SPAG16: variants seen among roughly 807,000 people sequenced by gnomAD.
SPAG16 encodes sperm associated antigen 16.
SPAG16 carries 86 observed loss-of-function variants against 80.4 expected under a neutral mutation model. That is an observed-to-expected ratio of 1.07 (90% CI 0.90 to 1.28). The LOEUF is 1.28. SPAG16 is among the 50% of genes most tolerant of loss of function. The pLI, the probability that SPAG16 is intolerant of heterozygous loss-of-function variation, is 0.00. For missense variants in SPAG16, 870 were observed against 765.3 expected, an observed-to-expected ratio of 1.14 and a Z score of -1.61; for synonymous variants, 294 against 265.9, an observed-to-expected ratio of 1.11 and a Z score of -1.03.
At chr2:213,653,852 C>T (rs1359308643) in intron 10 of SPAG16, among the ~76,000 whole-genome samples, 2 of 152,084 alleles carry the variant, frequency 1.3e-5, no homozygotes, top group East Asian at 1.9e-4. Flanking sequence ...ATAAAACATA[C>T]AGTTCACATA....
chr2:213,307,668 CA>C (rs1229206440), intron 3 of SPAG16, among the ~76,000 whole-genome samples: 2 of 151,940 alleles, frequency 1.3e-5, no homozygotes, highest in African/African-American at 4.8e-5. Flanking sequence ...ATAAACATAG[CA>C]GCATGATTTA....
chr2:213,854,018 C>T (rs1462700179), intron 10 of SPAG16, among the ~76,000 whole-genome samples: 1 of 152,178 alleles, frequency 6.6e-6, no homozygotes, highest in African/African-American at 2.4e-5. Context: ...TGTGTACATA[C>T]TCTCCACTAC....
At chr2:213,419,891 T>C (rs1475082105) in intron 9 of SPAG16, among the ~76,000 whole-genome samples, 1 of 152,236 alleles carries the variant, frequency 6.6e-6, no homozygotes, top group Non-Finnish European at 1.5e-5. Flanking sequence ...AGTGGGACTT[T>C]CACATGCAAA....
In SPAG16 at chr2:214,221,280, G is replaced by GT. The variant is rs553077893; in HGVS notation, c.1720+72022dup. ...TCAGAGCCAATTACTTTTAAATGTAGTTTTTTTTGAATGATGTTTTCTTTG... is the reference window on the plus strand; with the variant it reads ...TCAGAGCCAATTACTTTTAAATGTAGTTTTTTTTTGAATGATGTTTTCTTTG... On this transcript the variant is annotated intron_variant, in intron 15 of 15. Transcript: ENST00000331683. Among the ~76,000 whole-genome samples, 842 of 151,902 alleles carry GT rather than the reference G, an allele frequency of 5.5e-3. 8 individuals carry two copies. The highest frequency in any genetic ancestry group is 0.019 in the African/African-American group (773 of 41,460).
intron 10 of SPAG16, among the ~76,000 whole-genome samples, chr2:213,787,288 T>C (rs935036230): frequency 1.3e-5 from 2 of 152,016 alleles, no homozygotes; most frequent in Non-Finnish European, 2.9e-5. Context: ...GAAGTAGAAG[T>C]TGATGAGTGA....
chr2:213,303,011 T>G (rs982258715), intron 3 of SPAG16, among the ~76,000 whole-genome samples: 3 of 152,106 alleles, frequency 2.0e-5, no homozygotes, highest in Admixed American at 1.3e-4. Flanking sequence ...ATTTTCAAAT[T>G]TATTGACCAA....
intron 14 of SPAG16, among the ~76,000 whole-genome samples, chr2:214,130,927 A>C (rs1294935659): frequency 2.6e-5 from 4 of 151,750 alleles, no homozygotes; most frequent in Non-Finnish European, 5.9e-5. Flanking sequence ...GAGTAGAAAG[A>C]CTCTCTGTGA....
intron 10 of SPAG16, among the ~76,000 whole-genome samples, chr2:213,589,875 T>C (rs2060620852): frequency 1.3e-5 from 2 of 149,346 alleles, no homozygotes. Context: ...TGAGCCGAGA[T>C]CGCGCCATTG....
chr2:213,909,136 A>ATTTATTCTCTCTTTG (rs2077550965), intron 11 of SPAG16, among the ~76,000 whole-genome samples: 1 of 152,198 alleles, frequency 6.6e-6, no homozygotes, highest in Admixed American at 6.5e-5. Flanking sequence ...AATTGCTTCA[A>ATTTATTCTCTCTTTG]AGAGAATAAA....
At chr2:213,848,861 C>T (rs544863702) in intron 10 of SPAG16, among the ~76,000 whole-genome samples, 5 of 152,136 alleles carry the variant, frequency 3.3e-5, no homozygotes, top group African/African-American at 1.2e-4. Flanking sequence ...CTGCTTGTGG[C>T]CTATGACGCA....
intron 4 of SPAG16, among the ~76,000 whole-genome samples, chr2:213,316,454 C>G (rs1334861918): frequency 6.6e-6 from 1 of 152,050 alleles, no homozygotes; most frequent in African/African-American, 2.4e-5. Context: ...CTAGACTAAT[C>G]CCTTTAAAAC....
chr2:213,502,598 G>T (rs1462016748), intron 10 of SPAG16, among the ~76,000 whole-genome samples: 1 of 152,204 alleles, frequency 6.6e-6, no homozygotes, highest in Non-Finnish European at 1.5e-5. Context: ...TCAGCAAACA[G>T]TTATGCTTAA....
At chr2:214,086,250 T>C (rs2051741827) in intron 13 of SPAG16, among the ~76,000 whole-genome samples, 1 of 152,204 alleles carries the variant, frequency 6.6e-6, no homozygotes, top group Non-Finnish European at 1.5e-5. Flanking sequence ...TGTTACCAAT[T>C]CCAGAGGTTA....
intron 13 of SPAG16, among the ~76,000 whole-genome samples, chr2:214,085,468 A>G (rs2051677728): frequency 6.6e-6 from 1 of 151,914 alleles, no homozygotes; most frequent in African/African-American, 2.4e-5. Flanking sequence ...GGAGTTAGTG[A>G]TCAAAATTGC....
At chr2:213,656,832 T>C (rs969351159) in intron 10 of SPAG16, among the ~76,000 whole-genome samples, 1 of 152,222 alleles carries the variant, frequency 6.6e-6, no homozygotes, top group Non-Finnish European at 1.5e-5. Context: ...TTTAAATATG[T>C]ATATTAGAAA....
chr2:213,486,594 A>T (rs2125713407), intron 9 of SPAG16, among the ~76,000 whole-genome samples: 1 of 152,218 alleles, frequency 6.6e-6, no homozygotes, highest in Non-Finnish European at 1.5e-5. Flanking sequence ...TCCATTTTTT[A>T]AAATGTAAGA....
intron 10 of SPAG16, among the ~76,000 whole-genome samples, chr2:213,728,776 C>CT (rs2066891350): frequency 6.6e-6 from 1 of 150,746 alleles, no homozygotes; most frequent in African/African-American, 2.4e-5. Flanking sequence ...GCTCGGCAGG[C>CT]TGAGGCAGGA....
chr2:213,965,182 G>A (rs1356488406), intron 12 of SPAG16, among the ~76,000 whole-genome samples: 1 of 152,146 alleles, frequency 6.6e-6, no homozygotes, highest in Non-Finnish European at 1.5e-5. Flanking sequence ...GACAATGGCA[G>A]CTTTAGGCAT....
At chr2:214,332,692 T>C (rs540724516) in intron 15 of SPAG16, among the ~76,000 whole-genome samples, 2 of 152,308 alleles carry the variant, frequency 1.3e-5, no homozygotes, top group African/African-American at 4.8e-5. Flanking sequence ...GATTAGTTAG[T>C]TAAATGGGGA....
Sources: gnomAD v4.1 joint callset for allele counts (sites outside exome capture counted in the v4.1 genomes callset) on GRCh38, gnomAD v4.1.1 for gene constraint, MANE v1.5 for transcripts, NCBI Gene and HGNC (gene_info 2026-07-23, HGNC 2026-07-21) for gene names.